The following MRPS11 variants were observed in gnomAD, a reference collection of about 807,000 sequenced individuals.
MRPS11 encodes mitochondrial ribosomal protein S11, also known as small ribosomal subunit protein uS11m.
MRPS11 carries 27 observed loss-of-function variants against 24.3 expected under a neutral mutation model. The ratio of observed to expected loss-of-function variants is 1.11; its 90% CI spans 0.82 to 1.53. The LOEUF (loss-of-function observed/expected upper bound fraction) is 1.53, where lower values mean the gene tolerates loss of function less well. Ranked by LOEUF, MRPS11 falls within the 40% of genes most tolerant of loss-of-function variation. The pLI is 0.00. For missense variants in MRPS11, 277 were observed against 256.5 expected, an observed-to-expected ratio of 1.08 and a Z score of -0.55; for synonymous variants, 104 against 98.7, an observed-to-expected ratio of 1.05 and a Z score of -0.32.
At chr15:88,474,094 T>C (rs2055770515) in intron 3 of MRPS11, among the ~76,000 whole-genome samples, 1 of 151,966 alleles carries the variant, frequency 6.6e-6, no homozygotes, top group African/African-American at 2.4e-5. Context: ...GAGGATGGCT[T>C]GAGCCCAGGA....
chr15:88,478,294 AC>A lies in MRPS11; in HGVS notation c.*316del. On this transcript the variant is annotated 3_prime_UTR_variant, in exon 6 of 6. Coordinates refer to ENST00000325844, the MANE Select transcript of MRPS11 (RefSeq NM_022839.5). The surrounding 1 kb of genome is among the most constrained non-coding windows in gnomAD (Gnocchi z 4.7). Reference sequence around the variant, plus strand: ...TTTGAGATTTTTTGCTTTCAGAGTTACGTAATTCCTAATTCCTCTTGAAAAA... The same window carrying A: ...TTTGAGATTTTTTGCTTTCAGAGTTAGTAATTCCTAATTCCTCTTGAAAAA... 1 of 340,096 alleles carries A rather than the reference AC, an allele frequency of 2.9e-6. No individual in the cohort carries two copies. The highest frequency in any genetic ancestry group is 2.1e-5 in the African/African-American group (1 of 48,282). 21.1% of individuals were successfully genotyped at this position (340,096 alleles called of 1,614,324 possible).
At position 88,478,974 on chromosome 15, in the gene MRPS11, G is replaced by A. The variant is rs1226443844; in HGVS notation, c.*995G>A. ...ACTGCACTCCAGCCCAGGTGACAGCGAGACTGTCTCAAAAAAATAAATAAA... is the reference window on the plus strand; with the variant it reads ...ACTGCACTCCAGCCCAGGTGACAGCAAGACTGTCTCAAAAAAATAAATAAA... On this transcript the variant is annotated 3_prime_UTR_variant, in exon 6 of 6. Transcript: ENST00000325844. This position sits in a 1 kb window ranked among gnomAD's most constrained non-coding sequence, Gnocchi z 4.7. 2 of 151,580 alleles carry A rather than the reference G, an allele frequency of 1.3e-5. No homozygotes were observed. Among genetic ancestry groups the A allele is most frequent in the Non-Finnish European group, 2.9e-5 (2 of 67,986 alleles). The allele number at this position is 151,580 out of a possible 1,614,324, so 9.4% of individuals were successfully genotyped here.
intron 2 of MRPS11, chr15:88,468,536 C>T (rs969817338): frequency 5.8e-5 from 57 of 987,522 alleles, no homozygotes; most frequent in Non-Finnish European, 9.6e-6. Flanking sequence ...CAAACATTTA[C>T]CAAGAATCTA....
chr15:88,475,369 G>A lies in MRPS11; in HGVS notation c.411+130G>A. 7.6e-7 allele frequency: 1 copy of A among 1,320,550 alleles called. No homozygotes were observed. The highest frequency in any genetic ancestry group is 1.0e-6 in the Non-Finnish European group (1 of 965,572). The allele number at this position is 1,320,550 out of a possible 1,614,324, so 81.8% of individuals were successfully genotyped here. Reference sequence around the variant, plus strand: ...TTTGTCATGGCAGCTTTGATGCCCTGATTGGAGCATTGGTTTGAAAAGGTT... The same window carrying A: ...TTTGTCATGGCAGCTTTGATGCCCTAATTGGAGCATTGGTTTGAAAAGGTT... On this transcript the variant is annotated intron_variant, in intron 4 of 5. Coordinates refer to ENST00000325844, the MANE Select transcript of MRPS11 (RefSeq NM_022839.5). The surrounding 1 kb of genome is among the most constrained non-coding windows in gnomAD (Gnocchi z 4.1).
chr15:88,470,153 A>G (rs574915216), intron 2 of MRPS11, among the ~76,000 whole-genome samples: 17 of 152,268 alleles, frequency 1.1e-4, no homozygotes, highest in East Asian at 1.9e-4. Context: ...CGTCTCTACT[A>G]AAAATACAAA....
intron 2 of MRPS11, among the ~76,000 whole-genome samples, chr15:88,470,572 A>G (rs12101735): frequency 0.067 from 10,266 of 152,232 alleles, 1,195 homozygotes; most frequent in African/African-American, 0.23. Flanking sequence ...CCAGGAGAGA[A>G]CATTTGTTTT....
intron 2 of MRPS11, chr15:88,468,397 T>TC: frequency 9.1e-7 from 1 of 1,100,348 alleles, no homozygotes; most frequent in Non-Finnish European, 1.1e-6. Context: ...GAACAGATGT[T>TC]CCTGCACGTC....
At position 88,480,297 on chromosome 15, in the gene MRPS11, C is replaced by T. The variant is rs985630248; in HGVS notation, c.*2318C>T. The T allele has an allele frequency of 2.0e-5, 3 of 152,260 alleles. No individual in the cohort carries two copies. The highest frequency in any genetic ancestry group is 6.5e-5 in the Admixed American group (1 of 15,286). The allele number at this position is 152,260 out of a possible 1,614,324, so 9.4% of individuals were successfully genotyped here. A position where few individuals can be genotyped will look rare whatever the true frequency, so the allele number is the denominator to read the frequency against. On this transcript the variant is annotated 3_prime_UTR_variant, in exon 6 of 6. Coordinates refer to ENST00000325844, the MANE Select transcript of MRPS11 (RefSeq NM_022839.5). The surrounding 1 kb of genome is among the most constrained non-coding windows in gnomAD (Gnocchi z 5.1). ...TGGTACGACCATGGTTCACTGCAGC[C>T]TCAAACTCCTGGGCTCAAGTGATCC...
At chr15:88,474,186 T>G (rs983970660) in intron 3 of MRPS11, among the ~76,000 whole-genome samples, 1 of 147,760 alleles carries the variant, frequency 6.8e-6, no homozygotes, top group Non-Finnish European at 1.5e-5. Context: ...CACAAAAAAA[T>G]AAAAAAGAAA....
intron 2 of MRPS11, chr15:88,472,365 G>T: frequency 2.6e-6 from 1 of 383,402 alleles, no homozygotes; most frequent in Non-Finnish European, 4.8e-6. Flanking sequence ...GGACAAGGAA[G>T]ATGGGGAGTA....
At chr15:88,468,331 C>T in intron 2 of MRPS11, 1 of 1,151,012 alleles carries the variant, frequency 8.7e-7, no homozygotes, top group Non-Finnish European at 1.1e-6. Flanking sequence ...TCTTTTCAGA[C>T]CAATAACCTT....
In MRPS11 at chr15:88,479,574, C is replaced by T. The variant is rs1163055648; in HGVS notation, c.*1595C>T. ...CCTCCCTACTGCCTTCTCTTTAGTC[C>T]TTAGCAGGTCCTATGAAGGCCATCT... On this transcript the variant is annotated 3_prime_UTR_variant, in exon 6 of 6. Coordinates refer to ENST00000325844, the MANE Select transcript of MRPS11 (RefSeq NM_022839.5). 1.3e-5 allele frequency: 2 copies of T among 152,160 alleles called. No individual in the cohort carries two copies. Among genetic ancestry groups the T allele is most frequent in the Non-Finnish European group, 2.9e-5 (2 of 68,036 alleles). The allele number at this position is 152,160 out of a possible 1,614,324, so 9.4% of individuals were successfully genotyped here. A position where few individuals can be genotyped will look rare whatever the true frequency, so the allele number is the denominator to read the frequency against.
In MRPS11 at chr15:88,469,505, T is replaced by G. The variant is rs1438359380; in HGVS notation, c.182+1481T>G. 1.3e-5 allele frequency among the ~76,000 whole-genome samples: 2 copies of G among 151,842 alleles called. No individual in the cohort carries two copies. Among genetic ancestry groups the G allele is most frequent in the Admixed American group, 1.3e-4 (2 of 15,242 alleles). On this transcript the variant is annotated intron_variant, in intron 2 of 5. Coordinates refer to ENST00000325844, the MANE Select transcript of MRPS11 (RefSeq NM_022839.5). The surrounding 1 kb of genome is among the most constrained non-coding windows in gnomAD (Gnocchi z 4.4). Reference sequence around the variant, plus strand: ...GAGTATAACGGTTGGAAAGGGGAAGTGGGGGTCAAGCAGGCCTGCATAGCC... The same window carrying G: ...GAGTATAACGGTTGGAAAGGGGAAGGGGGGGTCAAGCAGGCCTGCATAGCC...
chr15:88,475,961 AAAAAAT>A lies in MRPS11; in HGVS notation c.411+732_411+737del, dbSNP rs979146236. On this transcript the variant is annotated intron_variant, in intron 4 of 5. Coordinates refer to ENST00000325844, the MANE Select transcript of MRPS11 (RefSeq NM_022839.5). This position sits in a 1 kb window ranked among gnomAD's most constrained non-coding sequence, Gnocchi z 4.1. The stretch of plus-strand genomic sequence containing the variant: ...ACAGAGCGAGACTCCATCTCAAGAA[AAAAAAT>A]AAAAATAAAGACCAGTGGTTTGGGG... Among the ~76,000 whole-genome samples the A allele has an allele frequency of 5.3e-5, 8 of 152,164 alleles. No homozygotes were observed. The highest frequency in any genetic ancestry group is 1.7e-4 in the African/African-American group (7 of 41,426).
intron 2 of MRPS11, chr15:88,468,428 G>A: frequency 9.6e-7 from 1 of 1,045,134 alleles, no homozygotes; most frequent in Non-Finnish European, 1.2e-6. Flanking sequence ...TCCAGGGTGG[G>A]TTTTGTGCTC....
chr15:88,468,549 A>G, intron 2 of MRPS11: 1 of 979,610 alleles, frequency 1.0e-6, no homozygotes, highest in Non-Finnish European at 1.2e-6. Flanking sequence ...AGAATCTACT[A>G]TGAGTGAGAC....
At chr15:88,468,062 A>T in intron 2 of MRPS11, 38 bp downstream of exon 2, 2 of 1,569,282 alleles carry the variant, frequency 1.3e-6, no homozygotes, top group Non-Finnish European at 1.7e-6. Flanking sequence ...GAGACCCGCA[A>T]CCCCTGACTC....
rs1598297488 is a variant in MRPS11, at chr15:88,477,952, C to T, written c.558C>T (p.Cys186=). The T allele has an allele frequency of 6.2e-7, 1 of 1,614,136 alleles. No homozygotes were observed. The highest frequency in any genetic ancestry group is 8.5e-7 in the Non-Finnish European group (1 of 1,180,014). ...TDNTPIPHNG[C]RPRKARKL ...ACACCCCAATCCCACACAACGGCTG[C>T]CGCCCCAGGAAGGCTCGGAAGCTGT... Residue 186 remains cysteine, a synonymous_variant, in exon 6 of 6, where the codon TGC becomes TGT. Transcript: ENST00000325844. The surrounding 1 kb of genome is among the most constrained non-coding windows in gnomAD (Gnocchi z 5.7).
rs1248722305 is a variant in MRPS11, at chr15:88,478,236, G to A, written c.*257G>A. The A allele has an allele frequency of 2.0e-6, 1 of 504,512 alleles. No homozygotes were observed. Among genetic ancestry groups the A allele is most frequent in the East Asian group, 3.2e-5 (1 of 30,782 alleles). 31.3% of individuals were successfully genotyped at this position (504,512 alleles called of 1,614,324 possible). A position where few individuals can be genotyped will look rare whatever the true frequency, so the allele number is the denominator to read the frequency against. Reference sequence around the variant, plus strand: ...GTGGCCTAGGCCCAAACTCTGCTCTGAGAAAATAAATATCTGTACCACCTG... The same window carrying A: ...GTGGCCTAGGCCCAAACTCTGCTCTAAGAAAATAAATATCTGTACCACCTG... On this transcript the variant is annotated 3_prime_UTR_variant, in exon 6 of 6. Coordinates refer to ENST00000325844, the MANE Select transcript of MRPS11 (RefSeq NM_022839.5). The surrounding 1 kb of genome is among the most constrained non-coding windows in gnomAD (Gnocchi z 4.7).
Sources: allele counts gnomAD v4.1 joint callset (sites outside exome capture counted in the v4.1 genomes callset), GRCh38; gene constraint gnomAD v4.1.1; non-coding constraint Gnocchi (gnomAD v3.1); transcripts MANE v1.5; gene names NCBI Gene and HGNC (gene_info 2026-07-23, HGNC 2026-07-21).